GALNT14: variants seen among roughly 807,000 people sequenced by gnomAD.
The protein encoded by GALNT14 is polypeptide N-acetylgalactosaminyltransferase 14.
A neutral mutation model predicts 77.5 loss-of-function variants in GALNT14; 60 were observed. The ratio of observed to expected loss-of-function variants is 0.77; its 90% CI spans 0.63 to 0.96. GALNT14 has a LOEUF of 0.96. GALNT14 is among the 40% of genes least tolerant of loss of function. GALNT14 has a pLI of 0.00. For synonymous variants in GALNT14, 280 were observed against 281.7 expected (o/e 0.99, Z 0.06); for missense variants, 710 against 731.0 (o/e 0.97, Z 0.33).
intron 8 of GALNT14, 137 bp downstream of exon 8, chr2:30,944,721 C>CA: frequency 1.6e-6 from 1 of 633,612 alleles, no homozygotes; most frequent in Non-Finnish European, 2.6e-6. Flanking sequence ...AAAATAAAGG[C>CA]AAAAGTGGAG....
At chr2:31,084,287 C>T (rs896701701) in intron 1 of GALNT14, among the ~76,000 whole-genome samples, 8 of 152,136 alleles carry the variant, frequency 5.3e-5, no homozygotes, top group East Asian at 1.9e-4. Flanking sequence ...ATACTACATA[C>T]GTGGTTTAGC....
At chr2:31,075,575 G>C (rs1447625314) in intron 1 of GALNT14, among the ~76,000 whole-genome samples, 1 of 152,214 alleles carries the variant, frequency 6.6e-6, no homozygotes. Flanking sequence ...AGGCACAGCA[G>C]GAAGAGGCTC....
At chr2:31,125,456 T>C (rs1678659679) in intron 1 of GALNT14, among the ~76,000 whole-genome samples, 1 of 82,734 alleles carries the variant, frequency 1.2e-5, no homozygotes, top group Non-Finnish European at 2.6e-5. Context: ...GCTCAATGCA[T>C]ATCAGCTTTC....
At chr2:30,923,052 G>A (rs973088194) in intron 13 of GALNT14, among the ~76,000 whole-genome samples, 1 of 144,028 alleles carries the variant, frequency 6.9e-6, no homozygotes, top group Non-Finnish European at 1.5e-5. Flanking sequence ...ATAGACAAAC[G>A]TGCCTTTTTT....
intron 1 of GALNT14, among the ~76,000 whole-genome samples, chr2:31,044,250 A>G (rs1020059273): frequency 3.3e-5 from 5 of 152,142 alleles, no homozygotes; most frequent in African/African-American, 1.2e-4. Context: ...TACACCACTC[A>G]TCTCACCCGG....
chr2:31,131,973 G>T (rs1415708630), intron 1 of GALNT14, among the ~76,000 whole-genome samples: 2 of 152,194 alleles, frequency 1.3e-5, no homozygotes, highest in African/African-American at 4.8e-5. Context: ...GGGGAAGTTT[G>T]AGAGAGGAAT....
chr2:30,976,611 GCGTGTGTGTA>G (rs1241515701), intron 2 of GALNT14, among the ~76,000 whole-genome samples: 2 of 143,720 alleles, frequency 1.4e-5, no homozygotes, highest in East Asian at 4.3e-4. Flanking sequence ...ATGTGCGTGT[GCGTGTGTGTA>G]TGTGTGTGTG....
intron 1 of GALNT14, among the ~76,000 whole-genome samples, chr2:31,057,100 C>T (rs1362727614): frequency 6.6e-6 from 1 of 151,816 alleles, no homozygotes; most frequent in African/African-American, 2.4e-5. Flanking sequence ...GATACAAAGA[C>T]AGCAACAATA....
intron 1 of GALNT14, among the ~76,000 whole-genome samples, chr2:31,111,588 C>T (rs1406894022): frequency 6.7e-6 from 1 of 148,338 alleles, no homozygotes; most frequent in Non-Finnish European, 1.5e-5. Context: ...TAACAAACCA[C>T]CACAAATTGC....
chr2:31,114,965 G>C (rs1471297258), intron 1 of GALNT14: 1 of 609,466 alleles, frequency 1.6e-6, no homozygotes, highest in Non-Finnish European at 3.0e-6. Flanking sequence ...AAACCATCCA[G>C]GCCAGGCACA....
At chr2:30,994,879 A>G (rs1393458882) in intron 1 of GALNT14, among the ~76,000 whole-genome samples, 2 of 152,178 alleles carry the variant, frequency 1.3e-5, no homozygotes, top group Admixed American at 1.3e-4. Context: ...AGAGACATGC[A>G]TGGAGATGCC....
chr2:31,096,396 A>G (rs891243059), intron 1 of GALNT14, among the ~76,000 whole-genome samples: 6 of 152,182 alleles, frequency 3.9e-5, no homozygotes, highest in Non-Finnish European at 8.8e-5. Context: ...CTAGCTAAGC[A>G]TATGGCCCTG....
intron 1 of GALNT14, among the ~76,000 whole-genome samples, chr2:31,020,258 T>C (rs1671632723): frequency 1.3e-5 from 2 of 152,190 alleles, no homozygotes; most frequent in Admixed American, 6.5e-5. Flanking sequence ...TTTAATTATG[T>C]TCATTAAAAG....
At chr2:30,926,035 C>T (rs982206959) in intron 11 of GALNT14, among the ~76,000 whole-genome samples, 1 of 152,172 alleles carries the variant, frequency 6.6e-6, no homozygotes, top group African/African-American at 2.4e-5. Flanking sequence ...TAGAGCTGGC[C>T]TTGCTTCCTG....
At chr2:31,115,697 T>C (rs1163958660) in intron 1 of GALNT14, among the ~76,000 whole-genome samples, 1 of 152,154 alleles carries the variant, frequency 6.6e-6, no homozygotes, top group Non-Finnish European at 1.5e-5. Flanking sequence ...AAAAGTCTTC[T>C]AAAGGCCCAT....
intron 1 of GALNT14, among the ~76,000 whole-genome samples, chr2:31,088,205 G>C (rs1676551670): frequency 1.3e-5 from 2 of 152,320 alleles, no homozygotes; most frequent in South Asian, 4.1e-4. Flanking sequence ...AGAGATTGAA[G>C]GGTAAGGAAC....
intron 1 of GALNT14, among the ~76,000 whole-genome samples, chr2:31,098,247 C>T (rs946964623): frequency 6.6e-6 from 1 of 152,256 alleles, no homozygotes; most frequent in African/African-American, 2.4e-5. Context: ...CTGATTTTAC[C>T]TGCAAAACTC....
Position 30,942,315 on chromosome 2 carries a change from G to A in GALNT14, c.828-11C>T. 1.2e-6 allele frequency: 2 copies of A among 1,604,380 alleles called. No individual in the cohort carries two copies. The highest frequency in any genetic ancestry group is 1.7e-6 in the Non-Finnish European group (2 of 1,171,932). Reference sequence around the variant, plus strand: ...GCTATGATAGGAGTCCTGTGCATTTGGAAGAAAAAGAGAGGGGATCAGTTC... The same window carrying A: ...GCTATGATAGGAGTCCTGTGCATTTAGAAGAAAAAGAGAGGGGATCAGTTC... On this transcript the variant is annotated splice_polypyrimidine_tract_variant and intron_variant, in intron 8 of 14. Coordinates refer to ENST00000349752, the MANE Select transcript of GALNT14 (RefSeq NM_024572.4).
intron 9 of GALNT14, among the ~76,000 whole-genome samples, chr2:30,934,758 G>T (rs559864071): frequency 6.6e-6 from 1 of 152,202 alleles, no homozygotes; most frequent in East Asian, 1.9e-4. Flanking sequence ...TCAACGCTCT[G>T]CCTCTGAGCA....
Sources: allele counts gnomAD v4.1 joint callset (sites outside exome capture counted in the v4.1 genomes callset), GRCh38; gene constraint gnomAD v4.1.1; transcripts MANE v1.5; gene names NCBI Gene and HGNC (gene_info 2026-07-23, HGNC 2026-07-21).